CEP57: variants seen among roughly 807,000 people sequenced by gnomAD.
CEP57 encodes centrosomal protein 57.
Under a neutral mutation model 68.0 loss-of-function variants are expected in CEP57, and 40 were observed. The ratio of observed to expected loss-of-function variants is 0.59; its 90% CI spans 0.46 to 0.77. CEP57 has a LOEUF of 0.77. Ranked by LOEUF, CEP57 falls within the 30% of genes least tolerant of loss-of-function variation. The pLI is 0.00. For synonymous variants in CEP57, 219 were observed against 198.7 expected (o/e 1.10, Z -0.86); for missense variants, 606 against 580.7 (o/e 1.04, Z -0.45).
At chr11:95,811,166 C>G (rs1862044240) in intron 2 of CEP57, among the ~76,000 whole-genome samples, 1 of 152,080 alleles carries the variant, frequency 6.6e-6, no homozygotes, top group Admixed American at 6.5e-5. Context: ...TTCACAATAG[C>G]AAAGACTTGG....
At chr11:95,822,338 C>A in intron 7 of CEP57, 161 bp from the exon 8 acceptor site, 1 of 639,616 alleles carries the variant, frequency 1.6e-6, no homozygotes. Context: ...AGGATATATG[C>A]TAACAAGTAC....
At chr11:95,800,661 A>G (rs1384247208) in intron 2 of CEP57, among the ~76,000 whole-genome samples, 1 of 152,156 alleles carries the variant, frequency 6.6e-6, no homozygotes, top group East Asian at 1.9e-4. Flanking sequence ...AAGTGCTGGG[A>G]TTACAGGCAT....
intron 2 of CEP57, among the ~76,000 whole-genome samples, chr11:95,807,380 GAGA>G (rs1461977349): frequency 6.6e-6 from 1 of 152,218 alleles, no homozygotes; most frequent in Non-Finnish European, 1.5e-5. Context: ...GACGAGTTGA[GAGA>G]AGAAGGCTTC....
intron 8 of CEP57, chr11:95,827,261 A>G (rs952821550): frequency 6.4e-6 from 1 of 155,832 alleles, no homozygotes; most frequent in Non-Finnish European, 1.4e-5. Context: ...GAAATGAACA[A>G]TAGTGTCTAC....
intron 10 of CEP57, among the ~76,000 whole-genome samples, chr11:95,830,588 C>T (rs889628550): frequency 3.3e-5 from 5 of 152,194 alleles, no homozygotes; most frequent in African/African-American, 1.2e-4. Flanking sequence ...GCTTCTTTGC[C>T]TCCTCAGACT....
chr11:95,790,497 C>G (rs139611819), upstream of CEP57: 312 of 614,186 alleles, frequency 5.1e-4, no homozygotes, highest in African/African-American at 5.3e-3. Flanking sequence ...GACGTGTTGC[C>G]CTTTCTGTGT....
At chr11:95,822,300 C>CT (rs574231290) in intron 7 of CEP57, 199 bp from the exon 8 acceptor site, 3 of 595,158 alleles carry the variant, frequency 5.0e-6, no homozygotes, top group African/African-American at 3.7e-5. Context: ...TTGTCAAGTG[C>CT]TTTTTTCCCC....
At chr11:95,790,807 C>T (rs945473376) in intron 1 of CEP57, 64 bp downstream of exon 1, 1 of 1,573,918 alleles carries the variant, frequency 6.4e-7, no homozygotes, top group Non-Finnish European at 8.7e-7. Context: ...AGTTTCCTCA[C>T]GTTTCAGGGC....
intron 8 of CEP57, 173 bp downstream of exon 8, chr11:95,822,749 CAAGG>C: frequency 1.6e-6 from 1 of 639,098 alleles, no homozygotes; most frequent in Non-Finnish European, 2.9e-6. Context: ...ATTAGGGAAG[CAAGG>C]AAGAGATGGG....
At chr11:95,807,979 G>A (rs1013051596) in intron 2 of CEP57, among the ~76,000 whole-genome samples, 19 of 152,138 alleles carry the variant, frequency 1.2e-4, no homozygotes, top group Admixed American at 6.5e-4. Context: ...GAAAGGTCAG[G>A]TTACCTGCAA....
chr11:95,806,736 T>C (rs1051319271), intron 2 of CEP57, among the ~76,000 whole-genome samples: 2 of 152,178 alleles, frequency 1.3e-5, no homozygotes, highest in Non-Finnish European at 2.9e-5. Flanking sequence ...TCAAACTGGG[T>C]GGAGCCCACC....
intron 9 of CEP57, 50 bp from the exon 10 acceptor site, chr11:95,829,137 C>T (rs1364116907): frequency 1.2e-6 from 2 of 1,601,724 alleles, no homozygotes; most frequent in East Asian, 2.2e-5. Context: ...ATAGACCTAA[C>T]CATGAAACAC....
At chr11:95,817,672 T>G in intron 4 of CEP57, 115 bp from the exon 5 acceptor site, 1 of 743,724 alleles carries the variant, frequency 1.3e-6, no homozygotes, top group Non-Finnish European at 2.5e-6. Context: ...CTTAATGTTA[T>G]TTTCCTAGAA....
rs910105003 is a variant in CEP57 at position 95,790,499 on chromosome 11, T to C, written c.-200T>C. On this transcript the variant is annotated 5_prime_UTR_variant, in exon 1 of 11. Coordinates refer to ENST00000325542, the MANE Select transcript of CEP57 (RefSeq NM_014679.5). ...AGACGTCCGTTAGGACGTGTTGCCC[T>C]TTCTGTGTAAGCTGTGAGCGTAGGC... The C allele has an allele frequency of 1.6e-6, 1 of 616,704 alleles. No homozygotes were observed. Among genetic ancestry groups the C allele is most frequent in the Non-Finnish European group, 2.9e-6 (1 of 349,376 alleles). The allele number at this position is 616,704 out of a possible 1,614,324, so 38.2% of individuals were successfully genotyped here.
intron 8 of CEP57, 64 bp downstream of exon 8, chr11:95,822,640 C>T: frequency 1.7e-6 from 2 of 1,157,714 alleles, no homozygotes; most frequent in Non-Finnish European, 2.6e-6. Flanking sequence ...GTCCCTGCAT[C>T]TGCAAGTATG....
intron 3 of CEP57, among the ~76,000 whole-genome samples, 169 bp from the exon 4 acceptor site, chr11:95,813,299 G>C (rs1342608550): frequency 1.3e-5 from 2 of 152,196 alleles, no homozygotes; most frequent in Non-Finnish European, 2.9e-5. Context: ...TGAATGCAAG[G>C]CCAGTTTGAC....
At chr11:95,797,587 A>G (rs973814986) in intron 1 of CEP57, among the ~76,000 whole-genome samples, 6 of 152,204 alleles carry the variant, frequency 3.9e-5, no homozygotes, top group Admixed American at 1.3e-4. Context: ...CAGCCTAACA[A>G]GGATACCCTA....
At chr11:95,822,653 T>A in intron 8 of CEP57, 77 bp downstream of exon 8, 1 of 1,232,060 alleles carries the variant, frequency 8.1e-7, no homozygotes, top group Non-Finnish European at 1.2e-6. Flanking sequence ...CAAGTATGTC[T>A]ACAAATGGAA....
chr11:95,794,375 G>C (rs1053339025), intron 1 of CEP57: 1 of 454,270 alleles, frequency 2.2e-6, no homozygotes, highest in Non-Finnish European at 4.4e-6. Flanking sequence ...TGCGTCTTCA[G>C]CTTTACTCGG....
Sources: allele counts gnomAD v4.1 joint callset (sites outside exome capture counted in the v4.1 genomes callset), GRCh38; gene constraint gnomAD v4.1.1; transcripts MANE v1.5; gene names NCBI Gene and HGNC (gene_info 2026-07-23, HGNC 2026-07-21).